The following CACNA1C variants were observed in gnomAD, a reference collection of about 807,000 sequenced individuals.
The protein encoded by CACNA1C is voltage-dependent L-type calcium channel subunit alpha-1C.
Under a neutral mutation model 229.0 loss-of-function variants are expected in CACNA1C, and 30 were observed. That is an observed-to-expected ratio of 0.13 (90% CI 0.10 to 0.18). CACNA1C has a LOEUF of 0.18. Among genes scored for constraint, CACNA1C ranks in the 10% least tolerant of loss-of-function variants. The pLI is 1.00. For missense variants in CACNA1C, 1,658 were observed against 2,845.0 expected (o/e 0.58, Z 9.49); for synonymous variants, 1,114 against 1,132.5 (o/e 0.98, Z 0.33).
At chr12:2,202,282 G>T (rs989680723) in intron 3 of CACNA1C, among the ~76,000 whole-genome samples, 1 of 152,202 alleles carries the variant, frequency 6.6e-6, no homozygotes, top group Non-Finnish European at 1.5e-5. Context: ...CTCACCGCTT[G>T]TTCAGCTGAG....
intron 3 of CACNA1C, among the ~76,000 whole-genome samples, chr12:2,301,999 C>T (rs758642385): frequency 5.3e-5 from 8 of 152,164 alleles, no homozygotes; most frequent in Non-Finnish European, 1.2e-4. Context: ...AGTAATCTTA[C>T]AAAAAGTATG....
intron 3 of CACNA1C, among the ~76,000 whole-genome samples, chr12:2,195,582 A>T (rs1457260067): frequency 6.6e-6 from 1 of 152,234 alleles, no homozygotes; most frequent in Non-Finnish European, 1.5e-5. Context: ...GATGTTGGAC[A>T]AACTGAATGG....
intron 3 of CACNA1C, among the ~76,000 whole-genome samples, chr12:2,177,634 C>CTCTCTCTTTCTT (rs1555275141): frequency 5.3e-5 from 6 of 112,980 alleles, no homozygotes; most frequent in Admixed American, 1.0e-4. Context: ...CCTTCTCTCT[C>CTCTCTCTTTCTT]TCTTTCTTTC....
chr12:2,601,799 C>T lies in CACNA1C; in HGVS notation c.2854-55C>T. 2 of 1,170,396 alleles carry T rather than the reference C, an allele frequency of 1.7e-6. No individual in the cohort carries two copies. The highest frequency in any genetic ancestry group is 2.6e-6 in the Non-Finnish European group (2 of 775,416). The allele number at this position is 1,170,396 out of a possible 1,614,324, so 72.5% of individuals were successfully genotyped here. A position where few individuals can be genotyped will look rare whatever the true frequency, so the allele number is the denominator to read the frequency against. On this transcript the variant is annotated intron_variant, in intron 21 of 46. Coordinates refer to ENST00000399655, the MANE Select transcript of CACNA1C (RefSeq NM_000719.7). This position sits in a 1 kb window ranked among gnomAD's most constrained non-coding sequence, Gnocchi z 5.9. ...GGGAGGAAGGGGTGGTGTGAGGGGT[C>T]TCTGGGCTAGGGCTAGGGCCACTCA...
intron 3 of CACNA1C, among the ~76,000 whole-genome samples, chr12:2,193,807 G>A (rs1320362372): frequency 3.3e-5 from 5 of 152,242 alleles, no homozygotes; most frequent in African/African-American, 1.2e-4. Context: ...AGAGCTGCCA[G>A]TCTTTATTTT....
chr12:2,516,787 G>A (rs994249620), intron 9 of CACNA1C, among the ~76,000 whole-genome samples: 2 of 152,192 alleles, frequency 1.3e-5, no homozygotes, highest in Non-Finnish European at 2.9e-5. Flanking sequence ...AAACATCCAG[G>A]TGGAGATGTT....
chr12:2,435,902 C>T (rs755061530), intron 3 of CACNA1C, among the ~76,000 whole-genome samples: 21 of 152,212 alleles, frequency 1.4e-4, no homozygotes, highest in Non-Finnish European at 2.4e-4. Context: ...ACATCCCAAA[C>T]GAGCAGTGGA....
intron 8 of CACNA1C, among the ~76,000 whole-genome samples, chr12:2,505,857 G>T (rs532227129): frequency 6.3e-4 from 96 of 152,230 alleles, no homozygotes; most frequent in African/African-American, 2.3e-3. Flanking sequence ...TTGGGGGAGG[G>T]GGGTAATCTA....
intron 5 of CACNA1C, among the ~76,000 whole-genome samples, chr12:2,472,893 C>G (rs1291699552): frequency 6.6e-6 from 1 of 152,102 alleles, no homozygotes; most frequent in Non-Finnish European, 1.5e-5. Context: ...CTTGTTGGTG[C>G]TGAGACATTG....
intron 3 of CACNA1C, among the ~76,000 whole-genome samples, chr12:2,268,582 C>T (rs928506557): frequency 1.3e-5 from 2 of 152,110 alleles, no homozygotes; most frequent in African/African-American, 4.8e-5. Flanking sequence ...GGGCTCCCAG[C>T]GAGGGAACAG....
intron 3 of CACNA1C, among the ~76,000 whole-genome samples, chr12:2,277,981 A>G (rs1235250807): frequency 6.6e-6 from 1 of 152,234 alleles, no homozygotes; most frequent in African/African-American, 2.4e-5. Context: ...CTTAGCACAG[A>G]CTGAGGCTGG....
Position 2,688,782 on chromosome 12 carries a change from A to G in CACNA1C, c.6117+3A>G. On this transcript the variant is annotated splice_donor_region_variant and intron_variant, in intron 46 of 46. Transcript: ENST00000399655. ...GTGCCAGCAGCCTGGTGGAAGCGGT[A>G]GGTGACTCGCAGATGGGCAGGGGGG... The G allele has an allele frequency of 6.6e-7, 1 of 1,514,140 alleles. No homozygotes were observed. Among genetic ancestry groups the G allele is most frequent in the Non-Finnish European group, 8.8e-7 (1 of 1,132,240 alleles). 93.8% of individuals were successfully genotyped at this position (1,514,140 alleles called of 1,614,324 possible).
intron 1 of CACNA1C, among the ~76,000 whole-genome samples, chr12:2,025,787 T>G (rs2047217509): frequency 1.3e-5 from 2 of 152,228 alleles, no homozygotes; most frequent in Non-Finnish European, 2.9e-5. Context: ...TGTTCAGTAT[T>G]TAACTTCACA....
At chr12:2,423,645 A>G (rs917752140) in intron 3 of CACNA1C, among the ~76,000 whole-genome samples, 1 of 152,298 alleles carries the variant, frequency 6.6e-6, no homozygotes, top group East Asian at 1.9e-4. Context: ...AGTTACACCC[A>G]GCAAGTAAAT....
chr12:2,388,188 T>C (rs1400037114), intron 3 of CACNA1C, among the ~76,000 whole-genome samples: 2 of 152,160 alleles, frequency 1.3e-5, no homozygotes, highest in Non-Finnish European at 2.9e-5. Context: ...TGTTGTAAAA[T>C]GAGTAAGTTC....
chr12:2,190,376 G>C (rs549674902), intron 3 of CACNA1C, among the ~76,000 whole-genome samples: 276 of 152,268 alleles, frequency 1.8e-3, no homozygotes, highest in African/African-American at 6.5e-3. Flanking sequence ...TCCCCGCCCC[G>C]CAGTGCCCCA....
intron 3 of CACNA1C, among the ~76,000 whole-genome samples, chr12:2,408,515 T>C (rs2098764982): frequency 6.6e-6 from 1 of 151,622 alleles, no homozygotes; most frequent in Admixed American, 6.6e-5. Context: ...TTTTGGTCTG[T>C]ACCTTTTGAT....
At chr12:2,370,987 C>T (rs561298620) in intron 3 of CACNA1C, among the ~76,000 whole-genome samples, 2 of 152,160 alleles carry the variant, frequency 1.3e-5, no homozygotes, top group Non-Finnish European at 2.9e-5. Flanking sequence ...CAGTGAGGGA[C>T]CCCAGGGGAA....
intron 3 of CACNA1C, among the ~76,000 whole-genome samples, chr12:2,328,121 C>G (rs536884813): frequency 5.3e-5 from 8 of 152,354 alleles, no homozygotes; most frequent in African/African-American, 1.4e-4. Flanking sequence ...AGGCTGCTGG[C>G]TCCTTTTCTC....
Sources: gnomAD v4.1 joint callset for allele counts (sites outside exome capture counted in the v4.1 genomes callset) on GRCh38, gnomAD v4.1.1 for gene constraint, Gnocchi (gnomAD v3.1) non-coding constraint, MANE v1.5 for transcripts, NCBI Gene and HGNC (gene_info 2026-07-23, HGNC 2026-07-21) for gene names.